The following PRKCH variants were observed in gnomAD, a reference collection of about 807,000 sequenced individuals.
PRKCH encodes the protein protein kinase C eta type.
PRKCH carries 28 observed loss-of-function variants against 82.5 expected under a neutral mutation model. The ratio of observed to expected loss-of-function variants is 0.34; its 90% CI spans 0.25 to 0.47. The LOEUF (loss-of-function observed/expected upper bound fraction) is 0.47, where lower values mean the gene tolerates loss of function less well. PRKCH is among the 20% of genes least tolerant of loss of function. PRKCH has a pLI of 1.00. For synonymous variants in PRKCH, 322 were observed against 327.4 expected (o/e 0.98, Z 0.18); for missense variants, 705 against 881.8 (o/e 0.80, Z 2.54).
intron 1 of PRKCH, among the ~76,000 whole-genome samples, chr14:61,231,454 C>T (rs1441228948): frequency 2.7e-5 from 4 of 150,424 alleles, no homozygotes; most frequent in African/African-American, 4.9e-5. Context: ...GCTCTGCCTC[C>T]CGGGTTCACG....
intron 2 of PRKCH, among the ~76,000 whole-genome samples, chr14:61,391,832 A>G (rs2046687167): frequency 6.6e-6 from 1 of 152,144 alleles, no homozygotes; most frequent in African/African-American, 2.4e-5. Context: ...AATTTTGACA[A>G]ATGCATACAA....
intron 1 of PRKCH, among the ~76,000 whole-genome samples, chr14:61,324,486 T>C (rs917126658): frequency 1.3e-5 from 2 of 152,184 alleles, no homozygotes; most frequent in African/African-American, 2.4e-5. Flanking sequence ...GTTTTGGGTA[T>C]TTCAGAACTG....
chr14:61,391,919 C>A lies in PRKCH; in HGVS notation c.427+631C>A, dbSNP rs540450439. On this transcript the variant is annotated intron_variant, in intron 2 of 13. Coordinates refer to ENST00000332981, the MANE Select transcript of PRKCH (RefSeq NM_006255.5). ...ACATTTCCCTGTACCCTTTTTCAAT[C>A]CCCTGCTCCCAGAGGCAATAAGTAA... 2.6e-5 allele frequency among the ~76,000 whole-genome samples: 4 copies of A among 152,262 alleles called. No individual in the cohort carries two copies. The East Asian group carries it at 5.8e-4, about 22-fold the overall frequency.
chr14:61,399,438 G>A (rs992465443), intron 2 of PRKCH, among the ~76,000 whole-genome samples: 1 of 152,118 alleles, frequency 6.6e-6, no homozygotes, highest in Non-Finnish European at 1.5e-5. Context: ...CAGTTTTTAT[G>A]TATGATGAAA....
At chr14:61,462,846 G>A (rs1048921594) in intron 9 of PRKCH, among the ~76,000 whole-genome samples, 2 of 152,222 alleles carry the variant, frequency 1.3e-5, no homozygotes, top group African/African-American at 4.8e-5. Context: ...CAGCCCTGTG[G>A]AATCAGTCTC....
chr14:61,443,502 A>G (rs529402955), intron 3 of PRKCH, among the ~76,000 whole-genome samples: 2 of 152,346 alleles, frequency 1.3e-5, no homozygotes, highest in East Asian at 1.9e-4. Flanking sequence ...AAAGATGCTA[A>G]TGAATCCTAA....
intron 1 of PRKCH, among the ~76,000 whole-genome samples, chr14:61,197,344 A>G (rs573124174): frequency 6.6e-6 from 1 of 152,216 alleles, no homozygotes; most frequent in African/African-American, 2.4e-5. Flanking sequence ...AGTTGGGGTT[A>G]TGTTTTATTC....
At chr14:61,256,757 T>C (rs1490619424) in intron 1 of PRKCH, among the ~76,000 whole-genome samples, 1 of 152,220 alleles carries the variant, frequency 6.6e-6, no homozygotes, top group Non-Finnish European at 1.5e-5. Flanking sequence ...AGTATGTGAA[T>C]TGGTCCACTT....
At chr14:61,360,275 C>T (rs1215443437) in intron 1 of PRKCH, among the ~76,000 whole-genome samples, 1 of 152,186 alleles carries the variant, frequency 6.6e-6, no homozygotes, top group African/African-American at 2.4e-5. Context: ...GAGGCCAAGG[C>T]AGGTGGATCA....
chr14:61,297,557 G>T (rs748231285), intron 1 of PRKCH, among the ~76,000 whole-genome samples: 5 of 152,166 alleles, frequency 3.3e-5, no homozygotes, highest in Non-Finnish European at 7.4e-5. Flanking sequence ...TTCATGGAAG[G>T]GGAGGAGATG....
At chr14:61,334,992 C>T (rs144294222) in intron 1 of PRKCH, among the ~76,000 whole-genome samples, 1 of 152,184 alleles carries the variant, frequency 6.6e-6, no homozygotes, top group East Asian at 1.9e-4. Context: ...AGCCGCCACT[C>T]CTAGCCTGGT....
rs1006847717 is a variant in PRKCH, at chr14:61,369,950, T to TTTTTTA, written c.364-21259_364-21254dup. On this transcript the variant is annotated intron_variant, in intron 1 of 13. Coordinates refer to ENST00000332981, the MANE Select transcript of PRKCH (RefSeq NM_006255.5). ...TGTATATATATGTGTGTATGTATGG[T>TTTTTTA]TTTTTATTTTTATTTTTATTTCTTT... Among the ~76,000 whole-genome samples, 10 of 152,034 alleles carry TTTTTTA rather than the reference T, an allele frequency of 6.6e-5. No homozygotes were observed. In the East Asian group the frequency reaches 1.2e-3, roughly 18 times the overall value.
At chr14:61,390,981 C>A in intron 1 of PRKCH, 1 of 384,532 alleles carries the variant, frequency 2.6e-6, no homozygotes, top group Non-Finnish European at 4.6e-6. Flanking sequence ...TTATGACAAG[C>A]CAAAAATGGG....
At chr14:61,326,412 G>A (rs1019378990) in intron 1 of PRKCH, among the ~76,000 whole-genome samples, 1 of 152,192 alleles carries the variant, frequency 6.6e-6, no homozygotes, top group Non-Finnish European at 1.5e-5. Context: ...AGATCAGTGG[G>A]TGCCTAAAAA....
At chr14:61,413,469 A>C (rs1882392082) in intron 2 of PRKCH, among the ~76,000 whole-genome samples, 1 of 131,718 alleles carries the variant, frequency 7.6e-6, no homozygotes, top group Non-Finnish European at 1.5e-5. Flanking sequence ...GATCCTACTT[A>C]ATCTGGAAAA....
intron 1 of PRKCH, among the ~76,000 whole-genome samples, chr14:61,229,798 A>C (rs1046020997): frequency 2.0e-5 from 3 of 152,090 alleles, no homozygotes; most frequent in Non-Finnish European, 4.4e-5. Context: ...TCCTTCTTCC[A>C]GGGGGAGAAC....
chr14:61,240,600 G>A (rs1007658041), intron 1 of PRKCH, among the ~76,000 whole-genome samples: 2 of 151,958 alleles, frequency 1.3e-5, no homozygotes, highest in Non-Finnish European at 2.9e-5. Flanking sequence ...CTTTCGGTTA[G>A]AAAGGAAATG....
At position 61,212,646 on chromosome 14, in the gene PRKCH, T is replaced by C. The variant is rs539860099; in HGVS notation, c.-19+24978T>C. On this transcript the variant is annotated intron_variant, in intron 1 of 3. Transcript: ENST00000555185. ...AGTCATCTGAAAGCCCTGGTTAATGTAGAGGTAGTAAGTCATTCATTCATT... is the reference window on the plus strand; with the variant it reads ...AGTCATCTGAAAGCCCTGGTTAATGCAGAGGTAGTAAGTCATTCATTCATT... Among the ~76,000 whole-genome samples, 13 of 152,318 alleles carry C rather than the reference T, an allele frequency of 8.5e-5. No individual in the cohort carries two copies. The East Asian group carries it at 1.2e-3, about 14-fold the overall frequency.
At chr14:61,243,552 G>T (rs1034813203) in intron 1 of PRKCH, among the ~76,000 whole-genome samples, 10 of 152,072 alleles carry the variant, frequency 6.6e-5, no homozygotes, top group African/African-American at 2.2e-4. Context: ...GGAACGGAGG[G>T]TGTTCAGGTA....
Sources: gnomAD v4.1 joint callset for allele counts (sites outside exome capture counted in the v4.1 genomes callset) on GRCh38, gnomAD v4.1.1 for gene constraint, MANE v1.5 for transcripts, NCBI Gene and HGNC (gene_info 2026-07-23, HGNC 2026-07-21) for gene names.